The following HASPIN variants were observed in gnomAD, a reference collection of about 807,000 sequenced individuals.
The protein encoded by HASPIN is serine/threonine-protein kinase haspin.
A neutral mutation model predicts 28.8 loss-of-function variants in HASPIN; 24 were observed. The ratio of observed to expected loss-of-function variants is 0.83; its 90% CI spans 0.60 to 1.17. The LOEUF is 1.17. Among genes scored for constraint, HASPIN ranks in the 50% most tolerant of loss-of-function variants. The probability of loss-of-function intolerance (pLI) is 0.00; values close to 1 mark genes in which losing one functional copy is unlikely to be tolerated. For synonymous variants in HASPIN, 440 were observed against 413.1 expected, an observed-to-expected ratio of 1.07 and a Z score of -0.79; for missense variants, 1,016 against 1,018.5, an observed-to-expected ratio of 1.00 and a Z score of 0.03.
In HASPIN at chr17:3,724,689, G is replaced by A; in HGVS notation, c.754G>A (p.Gly252Arg). The A allele has an allele frequency of 6.2e-7, 1 of 1,614,212 alleles. No homozygotes were observed. The highest frequency in any genetic ancestry group is 8.5e-7 in the Non-Finnish European group (1 of 1,180,042). The part of the protein sequence containing the change: ...RSVLFGLMNS[G>R]TPEDSEFRAD... The stretch of plus-strand genomic sequence containing the variant: ...AGTTCTCTTTGGCCTTATGAACTCA[G>A]GAACCCCTGAGGATTCTGAGTTTCG... The change falls in exon 1 of 1, where the codon GGA (glycine) becomes AGA (arginine). Residue 252 changes from glycine to arginine, a missense_variant. Physicochemically the swap from Gly to Arg is moderately radical, Grantham distance 125. Transcript: ENST00000325418.
At position 3,724,614 on chromosome 17, in the gene HASPIN, G is replaced by A; in HGVS notation, c.679G>A (p.Gly227Arg). The A allele has an allele frequency of 6.2e-7, 1 of 1,614,220 alleles. No homozygotes were observed. The highest frequency in any genetic ancestry group is 8.5e-7 in the Non-Finnish European group (1 of 1,180,040). The stretch of plus-strand genomic sequence containing the variant: ...CTGCTCCCAGGAGGAAGCGACAGGA[G>A]GAGCCAAGGACACCAGGATGGTCCA... ...LPCSQEEATG[G>R]AKDTRMVHQT... Residue 227 changes from glycine (G) to arginine (R), a missense_variant, in exon 1 of 1, where the codon GGA becomes AGA. Physicochemically the swap from Gly to Arg is moderately radical, Grantham distance 125. This residue lies in a region of HASPIN where 881 missense variants were observed against 845.5 expected (regional missense o/e 1.04). Coordinates refer to ENST00000325418, the MANE Select transcript of HASPIN (RefSeq NM_031965.2).
In HASPIN at chr17:3,723,941, G is replaced by C. The variant is rs1471096798; in HGVS notation, c.6G>C (p.Ala2=). ...CCTCTTGGCGGGTGCCGGCCATGGC[G>C]GCTTCGCTCCCGGGACCTGGGAGCC... The part of the protein sequence containing the change: M[A]ASLPGPGSRL... The change falls in exon 1 of 1, where the codon GCG becomes GCC. Residue 2 remains alanine, a synonymous_variant. Coordinates refer to ENST00000325418, the MANE Select transcript of HASPIN (RefSeq NM_031965.2). 3 of 1,552,100 alleles carry C rather than the reference G, an allele frequency of 1.9e-6. No homozygotes were observed. The Admixed American group carries it at 5.8e-5, about 30-fold the overall frequency.
chr17:3,723,906 T>G lies in HASPIN; in HGVS notation c.-30T>G, dbSNP rs778001144. The G allele has an allele frequency of 2.0e-6, 3 of 1,535,210 alleles. No individual in the cohort carries two copies. Among genetic ancestry groups the G allele is most frequent in the South Asian group, 2.5e-5 (2 of 79,842 alleles). ...CGTCGCACGGAAGTCTCGCGATGTT[T>G]GCGTTTGAACCTCTTGGCGGGTGCC... On this transcript the variant is annotated 5_prime_UTR_variant, in exon 1 of 1. Transcript: ENST00000325418.
Position 3,724,063 on chromosome 17 carries a change from T to G in HASPIN, c.128T>G (p.Phe43Cys), listed in dbSNP as rs771879811. The G allele has an allele frequency of 6.3e-7, 1 of 1,597,352 alleles. No individual in the cohort carries two copies. The highest frequency in any genetic ancestry group is 8.5e-7 in the Non-Finnish European group (1 of 1,177,996). ...QWFPPQDRRR[F>C]FNSSGSSDAS... ...TTCCCGCCGCAGGACCGGAGGCGTT[T>G]CTTCAACAGCAGCGGCAGCAGCGAC... is the stretch of plus-strand genomic sequence containing the variant. Residue 43 changes from phenylalanine to cysteine, a missense_variant, in exon 1 of 1, where the codon TTC becomes TGC. This residue lies in a region of HASPIN where 881 missense variants were observed against 845.5 expected (regional missense o/e 1.04). Coordinates refer to ENST00000325418, the MANE Select transcript of HASPIN (RefSeq NM_031965.2).
In HASPIN at chr17:3,724,680, A is replaced by G; in HGVS notation, c.745A>G (p.Met249Val). 1 of 1,614,218 alleles carries G rather than the reference A, an allele frequency of 6.2e-7. No individual in the cohort carries two copies. The highest frequency in any genetic ancestry group is 8.5e-7 in the Non-Finnish European group (1 of 1,180,022). ...ASLRSVLFGL[M>V]NSGTPEDSEF... Reference sequence around the variant, plus strand: ...CCTCAGGTCAGTTCTCTTTGGCCTTATGAACTCAGGAACCCCTGAGGATTC... The same window carrying G: ...CCTCAGGTCAGTTCTCTTTGGCCTTGTGAACTCAGGAACCCCTGAGGATTC... The change falls in exon 1 of 1, where the codon ATG (methionine) becomes GTG (valine). Residue 249 changes from methionine (M) to valine (V), a missense_variant. This residue lies in a region of HASPIN where 881 missense variants were observed against 845.5 expected (regional missense o/e 1.04). Transcript: ENST00000325418.
Position 3,724,746 on chromosome 17 carries a change from T to C in HASPIN, c.811T>C (p.Cys271Arg), listed in dbSNP as rs2051165404. 2 of 1,614,040 alleles carry C rather than the reference T, an allele frequency of 1.2e-6. No homozygotes were observed. The highest frequency in any genetic ancestry group is 1.3e-5 in the African/African-American group (1 of 74,916). The stretch of plus-strand genomic sequence containing the variant: ...TGGGAAGAATATGAGAGAGTCCTGC[T>C]GTAAAAGGAAACTGGTGGTGGGAAA... The part of the protein sequence containing the change: ...ADGKNMRESC[C>R]KRKLVVGNGP... The change falls in exon 1 of 1, where the codon TGT becomes CGT. Residue 271 changes from cysteine (C) to arginine (R), a missense_variant. Cys to Arg is a radical substitution (Grantham distance 180). Around this residue, in one of 3 missense-constraint regions of HASPIN, gnomAD observed 881 missense variants for 845.5 expected, o/e 1.04. Transcript: ENST00000325418.
Position 3,725,597 on chromosome 17 carries a change from A to C in HASPIN, c.1662A>C (p.Glu554Asp). Residue 554 changes from glutamate to aspartate, a missense_variant, in exon 1 of 1, where the codon GAA (glutamate) becomes GAC (aspartate). Glu to Asp is a conservative substitution (Grantham distance 45). Coordinates refer to ENST00000325418, the MANE Select transcript of HASPIN (RefSeq NM_031965.2). The stretch of plus-strand genomic sequence containing the variant: ...CCGGTGAAGTGTGCAACCGCACAGA[A>C]GGCTTTATCGGGCTGAACTCAGTGC... ...LLSGEVCNRT[E>D]GFIGLNSVHC... 6.2e-7 allele frequency: 1 copy of C among 1,614,174 alleles called. No individual in the cohort carries two copies.
rs1295083362 is a variant in HASPIN at position 3,726,114 on chromosome 17, A to G, written c.2179A>G (p.Lys727Glu). The change falls in exon 1 of 1, where the codon AAG becomes GAG. Residue 727 changes from lysine to glutamate, a missense_variant. This residue lies in a region of HASPIN where 129 missense variants were observed against 156.2 expected (regional missense o/e 0.83). Coordinates refer to ENST00000325418, the MANE Select transcript of HASPIN (RefSeq NM_031965.2). ...GTTTGACATCTACAGGCTCATGAAG[A>G]AGGAGAATAACAACCGCTGGGGTGA... ...YQFDIYRLMK[K>E]ENNNRWGEYH... The G allele has an allele frequency of 1.2e-6, 2 of 1,614,210 alleles. No individual in the cohort carries two copies. Among genetic ancestry groups the G allele is most frequent in the Non-Finnish European group, 1.7e-6 (2 of 1,180,046 alleles).
At position 3,724,385 on chromosome 17, in the gene HASPIN, C is replaced by T; in HGVS notation, c.450C>T (p.Leu150=). Reference sequence around the variant, plus strand: ...ACTCCGGCCGCCTCAGCCCGGACCTCAGCGTGTGCGGCCAGCCCAGGGACG... The same window carrying T: ...ACTCCGGCCGCCTCAGCCCGGACCTTAGCGTGTGCGGCCAGCCCAGGGACG... The part of the protein sequence containing the change: ...SRDSGRLSPD[L]SVCGQPRDGD... The change falls in exon 1 of 1, where the codon CTC becomes CTT. Residue 150 remains leucine (L), a synonymous_variant. Coordinates refer to ENST00000325418, the MANE Select transcript of HASPIN (RefSeq NM_031965.2). 2 of 1,609,642 alleles carry T rather than the reference C, an allele frequency of 1.2e-6. No homozygotes were observed. The highest frequency in any genetic ancestry group is 1.7e-6 in the Non-Finnish European group (2 of 1,179,080).
Position 3,725,965 on chromosome 17 carries a change from C to T in HASPIN, c.2030C>T (p.Pro677Leu). 3.1e-6 allele frequency: 5 copies of T among 1,613,812 alleles called. No individual in the cohort carries two copies. Among genetic ancestry groups the T allele is most frequent in the East Asian group, 2.2e-5 (1 of 44,882 alleles). ...CTCAATGGGAAGAGCAGCACTATCC[C>T]CAGCTGTGGGTTGCAAGTGAGCATC... ...YTLNGKSSTI[P>L]SCGLQVSIID... The change falls in exon 1 of 1, where the codon CCC becomes CTC. Residue 677 changes from proline to leucine, a missense_variant. Pro to Leu is a moderately conservative substitution (Grantham distance 98). Around this residue, in one of 3 missense-constraint regions of HASPIN, gnomAD observed 129 missense variants for 156.2 expected, o/e 0.83. Coordinates refer to ENST00000325418, the MANE Select transcript of HASPIN (RefSeq NM_031965.2).
Position 3,726,132 on chromosome 17 carries a change from T to G in HASPIN, c.2197T>G (p.Trp733Gly). 4 of 1,614,192 alleles carry G rather than the reference T, an allele frequency of 2.5e-6. No homozygotes were observed. The highest frequency in any genetic ancestry group is 3.4e-6 in the Non-Finnish European group (4 of 1,180,024). ...CATGAAGAAGGAGAATAACAACCGC[T>G]GGGGTGAATATCACCCTTATAGTAA... ...RLMKKENNNRWGEYHPYSNVL... is the reference protein window; with the variant it reads ...RLMKKENNNRGGEYHPYSNVL... Residue 733 changes from tryptophan to glycine, a missense_variant, in exon 1 of 1, where the codon TGG becomes GGG. Transcript: ENST00000325418.
chr17:3,724,647 C>T lies in HASPIN; in HGVS notation c.712C>T (p.Arg238Cys). Residue 238 changes from arginine to cysteine, a missense_variant, in exon 1 of 1, where the codon CGC (arginine) becomes TGC (cysteine). Physicochemically the swap from Arg to Cys is radical, Grantham distance 180. Transcript: ENST00000325418. Reference protein sequence around the residue: ...AKDTRMVHQTRASLRSVLFGL... With the variant: ...AKDTRMVHQTCASLRSVLFGL... ...GGACACCAGGATGGTCCACCAAACC[C>T]GCGCCAGCCTCAGGTCAGTTCTCTT... is the stretch of plus-strand genomic sequence containing the variant. 1 of 1,614,190 alleles carries T rather than the reference C, an allele frequency of 6.2e-7. No homozygotes were observed. Among genetic ancestry groups the T allele is most frequent in the Non-Finnish European group, 8.5e-7 (1 of 1,180,032 alleles).
In HASPIN at chr17:3,725,233, C is replaced by A. The variant is rs139272282; in HGVS notation, c.1298C>A (p.Pro433Gln). ...GTCATGAACAGAACAAGTGGTGCTC[C>A]GTCCTCTTGGCACTCCTCCTCTATG... is the stretch of plus-strand genomic sequence containing the variant. ...RPVMNRTSGA[P>Q]SSWHSSSMYL... The change falls in exon 1 of 1, where the codon CCG becomes CAG. Residue 433 changes from proline (P) to glutamine (Q), a missense_variant. This residue lies in a region of HASPIN where 881 missense variants were observed against 845.5 expected (regional missense o/e 1.04). Transcript: ENST00000325418. 109 of 1,614,124 alleles carry A rather than the reference C, an allele frequency of 6.8e-5. No individual in the cohort carries two copies. In the Middle Eastern group the frequency reaches 8.2e-4, roughly 12 times the overall value.
chr17:3,726,230 T>C lies in HASPIN; in HGVS notation c.2295T>C (p.Pro765=). The part of the protein sequence containing the change: ...QMTFKTKCNT[P]AMKQIKRKIQ... ...CCTTCAAGACTAAATGTAACACTCC[T>C]GCCATGAAGCAAATTAAGAGAAAAA... The change falls in exon 1 of 1, where the codon CCT becomes CCC. Residue 765 remains proline, a synonymous_variant. Transcript: ENST00000325418. 1 of 1,614,200 alleles carries C rather than the reference T, an allele frequency of 6.2e-7. No homozygotes were observed.
chr17:3,723,941 G>A lies in HASPIN; in HGVS notation c.6G>A (p.Ala2=). Residue 2 remains alanine (A), a synonymous_variant, in exon 1 of 1, where the codon GCG becomes GCA. Coordinates refer to ENST00000325418, the MANE Select transcript of HASPIN (RefSeq NM_031965.2). M[A]ASLPGPGSRL... is the part of the protein sequence containing the mutation. ...CCTCTTGGCGGGTGCCGGCCATGGC[G>A]GCTTCGCTCCCGGGACCTGGGAGCC... 6.4e-7 allele frequency: 1 copy of A among 1,552,100 alleles called. No individual in the cohort carries two copies.
Position 3,725,252 on chromosome 17 carries a change from C to T in HASPIN, c.1317C>T (p.Ser439=). Residue 439 remains serine, a synonymous_variant, in exon 1 of 1, where the codon TCC becomes TCT. Coordinates refer to ENST00000325418, the MANE Select transcript of HASPIN (RefSeq NM_031965.2). Reference sequence around the variant, plus strand: ...GTGCTCCGTCCTCTTGGCACTCCTCCTCTATGTATTTGCTAAGCCCCTTAA... The same window carrying T: ...GTGCTCCGTCCTCTTGGCACTCCTCTTCTATGTATTTGCTAAGCCCCTTAA... The part of the protein sequence containing the change: ...TSGAPSSWHS[S]SMYLLSPLNT... 1 of 1,614,208 alleles carries T rather than the reference C, an allele frequency of 6.2e-7. No individual in the cohort carries two copies. Among genetic ancestry groups the T allele is most frequent in the South Asian group, 1.1e-5 (1 of 91,090 alleles).
In HASPIN at chr17:3,724,136, C is replaced by T. The variant is rs755898153; in HGVS notation, c.201C>T (p.Asp67=). 6.3e-6 allele frequency: 10 copies of T among 1,595,552 alleles called. No homozygotes were observed. Among genetic ancestry groups the T allele is most frequent in the Non-Finnish European group, 8.5e-6 (10 of 1,177,424 alleles). ...AGTCCGACGATCCTGACGATCCCGA[C>T]GACCCCGACTTCCCCGGCAGCCCGG... The part of the protein sequence containing the change: ...PSQSDDPDDP[D]DPDFPGSPVR... The change falls in exon 1 of 1, where the codon GAC becomes GAT. Residue 67 remains aspartate (D), a synonymous_variant. Coordinates refer to ENST00000325418, the MANE Select transcript of HASPIN (RefSeq NM_031965.2).
rs762347012 is a variant in HASPIN at position 3,723,958 on chromosome 17, C to T, written c.23C>T (p.Pro8Leu). ...GCCATGGCGGCTTCGCTCCCGGGAC[C>T]TGGGAGCCGGCTTTTCCGCACATAT... MAASLPG[P>L]GSRLFRTYGA... The change falls in exon 1 of 1, where the codon CCT (proline) becomes CTT (leucine). Residue 8 changes from proline to leucine, a missense_variant. Around this residue, in one of 3 missense-constraint regions of HASPIN, gnomAD observed 881 missense variants for 845.5 expected, o/e 1.04. Coordinates refer to ENST00000325418, the MANE Select transcript of HASPIN (RefSeq NM_031965.2). 2 of 1,569,442 alleles carry T rather than the reference C, an allele frequency of 1.3e-6. No individual in the cohort carries two copies. The highest frequency in any genetic ancestry group is 1.8e-5 in the Admixed American group (1 of 54,302).
At position 3,724,531 on chromosome 17, in the gene HASPIN, C is replaced by T. The variant is rs1327420274; in HGVS notation, c.596C>T (p.Ser199Leu). 1.9e-6 allele frequency: 3 copies of T among 1,614,110 alleles called. No homozygotes were observed. Among genetic ancestry groups the T allele is most frequent in the Non-Finnish European group, 2.5e-6 (3 of 1,180,022 alleles). The change falls in exon 1 of 1, where the codon TCA becomes TTA. Residue 199 changes from serine (S) to leucine (L), a missense_variant. Physicochemically the swap from Ser to Leu is moderately radical, Grantham distance 145. Transcript: ENST00000325418. ...IGTSACLVAA[S>L]AVPSGLHLPE... ...ACCTCCGCCTGTCTGGTTGCAGCCTCAGCCGTCCCGAGCGGCCTCCACCTC... is the reference window on the plus strand; with the variant it reads ...ACCTCCGCCTGTCTGGTTGCAGCCTTAGCCGTCCCGAGCGGCCTCCACCTC...
Sources: allele counts gnomAD v4.1 joint callset, GRCh38; gene constraint gnomAD v4.1.1; regional missense constraint gnomAD v4.1.1; transcripts MANE v1.5; gene names NCBI Gene and HGNC (gene_info 2026-07-23, HGNC 2026-07-21).